Variants in WWOX observed in about 807,000 individuals in gnomAD.
The protein encoded by WWOX is WW domain containing oxidoreductase, also known as WW domain-containing oxidoreductase.
In WWOX, 69 loss-of-function variants were observed where a neutral mutation model predicts 46.2. That is an observed-to-expected ratio of 1.49 (90% CI 1.23 to 1.82). The LOEUF (loss-of-function observed/expected upper bound fraction) is 1.82, where lower values mean the gene tolerates loss of function less well. Ranked by LOEUF, WWOX falls within the 40% of genes most tolerant of loss-of-function variation. The pLI, the probability that WWOX is intolerant of heterozygous loss-of-function variation, is 0.00. For missense variants in WWOX, 919 were observed against 542.6 expected (o/e 1.69, Z -6.89); for synonymous variants, 359 against 202.6 (o/e 1.77, Z -6.56).
intron 8 of WWOX, among the ~76,000 whole-genome samples, chr16:78,982,146 A>G (rs1365116379): frequency 6.6e-6 from 1 of 152,162 alleles, no homozygotes; most frequent in Non-Finnish European, 1.5e-5. Flanking sequence ...GCTCAGAGGA[A>G]AAGAAGAAAA....
intron 8 of WWOX, among the ~76,000 whole-genome samples, chr16:79,143,810 A>C (rs2050134794): frequency 6.6e-6 from 1 of 152,246 alleles, no homozygotes; most frequent in African/African-American, 2.4e-5. Context: ...AGCTGGTAGG[A>C]GTTTTAGCCA....
chr16:78,271,260 A>C (rs540749288), intron 5 of WWOX, among the ~76,000 whole-genome samples: 1 of 152,260 alleles, frequency 6.6e-6, no homozygotes, highest in African/African-American at 2.4e-5. Context: ...AATCTGTTGT[A>C]GTCCTGGAAA....
intron 8 of WWOX, among the ~76,000 whole-genome samples, chr16:78,714,653 C>A (rs555442334): frequency 1.3e-5 from 2 of 152,060 alleles, no homozygotes; most frequent in South Asian, 2.1e-4. Context: ...GCGGAGGAAA[C>A]GGTAAATGAG....
At chr16:79,112,957 G>T (rs1014277098) in intron 8 of WWOX, among the ~76,000 whole-genome samples, 1 of 152,186 alleles carries the variant, frequency 6.6e-6, no homozygotes, top group Non-Finnish European at 1.5e-5. Context: ...GGCATAGATG[G>T]CTGTGCTTTG....
At position 78,386,898 on chromosome 16, in the gene WWOX, T is replaced by C. The variant is rs748722105; in HGVS notation, c.555T>C (p.Ala185=). ...TAGAAGCAATGACCCTGGACCTCGC[T>C]CTGCTCCGTAGCGTGCAGCATTTTG... The part of the protein sequence containing the change: ...AKVEAMTLDL[A]LLRSVQHFAE... The change falls in exon 6 of 9, where the codon GCT becomes GCC. Residue 185 remains alanine (A), a synonymous_variant. Transcript: ENST00000566780. 8.1e-6 allele frequency: 13 copies of C among 1,614,022 alleles called. No homozygotes were observed. The highest frequency in any genetic ancestry group is 1.0e-5 in the Non-Finnish European group (12 of 1,180,012).
At chr16:78,875,740 A>G (rs140803242) in intron 8 of WWOX, among the ~76,000 whole-genome samples, 1 of 152,250 alleles carries the variant, frequency 6.6e-6, no homozygotes, top group Non-Finnish European at 1.5e-5. Flanking sequence ...AACTGTGTCT[A>G]CCCTTTCAAC....
intron 8 of WWOX, among the ~76,000 whole-genome samples, chr16:78,753,101 C>A (rs917348892): frequency 6.6e-6 from 1 of 152,152 alleles, no homozygotes; most frequent in African/African-American, 2.4e-5. Flanking sequence ...TGGAGACCAT[C>A]CTGGCTAACA....
chr16:78,148,432 G>C (rs542017940), intron 4 of WWOX, among the ~76,000 whole-genome samples: 3 of 152,168 alleles, frequency 2.0e-5, no homozygotes, highest in Non-Finnish European at 4.4e-5. Context: ...CTTGTATTAA[G>C]AAGAAAGGGA....
intron 8 of WWOX, among the ~76,000 whole-genome samples, chr16:78,608,358 G>C (rs2045814580): frequency 6.6e-6 from 1 of 152,212 alleles, no homozygotes; most frequent in Non-Finnish European, 1.5e-5. Context: ...TACCATTTAT[G>C]AAACCAGATT....
intron 8 of WWOX, among the ~76,000 whole-genome samples, chr16:79,130,241 C>T (rs1231868192): frequency 1.3e-5 from 2 of 152,174 alleles, no homozygotes; most frequent in African/African-American, 2.4e-5. Context: ...CCACATACAA[C>T]AGAGGGGACA....
intron 8 of WWOX, among the ~76,000 whole-genome samples, chr16:78,704,279 C>T (rs2048287088): frequency 6.6e-6 from 1 of 152,122 alleles, no homozygotes; most frequent in Non-Finnish European, 1.5e-5. Context: ...TAGCGGGTAT[C>T]TCCAAAATTT....
intron 8 of WWOX, among the ~76,000 whole-genome samples, chr16:78,883,945 T>G (rs2044397406): frequency 6.6e-6 from 1 of 152,054 alleles, no homozygotes; most frequent in Non-Finnish European, 1.5e-5. Context: ...GAAGACTTGA[T>G]TTACATAGGA....
intron 8 of WWOX, among the ~76,000 whole-genome samples, chr16:78,635,098 C>G (rs992230536): frequency 6.6e-6 from 1 of 152,104 alleles, no homozygotes; most frequent in African/African-American, 2.4e-5. Context: ...AATGTGATTA[C>G]GCCAGGAAGT....
intron 8 of WWOX, among the ~76,000 whole-genome samples, chr16:78,827,234 G>T (rs1047219398): frequency 6.6e-6 from 1 of 152,198 alleles, no homozygotes; most frequent in Non-Finnish European, 1.5e-5. Flanking sequence ...CTAAGACAGT[G>T]AGAGCAGATG....
intron 8 of WWOX, among the ~76,000 whole-genome samples, chr16:78,666,766 C>T (rs539141946): frequency 1.3e-5 from 2 of 152,222 alleles, no homozygotes; most frequent in East Asian, 3.9e-4. Context: ...TGTGTTCTTT[C>T]CTGGAGAGAT....
intron 8 of WWOX, among the ~76,000 whole-genome samples, chr16:78,781,013 C>G (rs1597598771): frequency 1.3e-5 from 2 of 152,300 alleles, no homozygotes; most frequent in South Asian, 2.1e-4. Context: ...GCCGTGACTC[C>G]TCTGCCACCT....
chr16:79,062,844 G>A (rs972592417), intron 8 of WWOX, among the ~76,000 whole-genome samples: 4 of 152,020 alleles, frequency 2.6e-5, no homozygotes, highest in Admixed American at 6.6e-5. Flanking sequence ...TATAAATGTC[G>A]AATCGGCATT....
rs564463399 is a variant in WWOX at position 78,422,964 on chromosome 16, C to T, written c.606-1906C>T. Among the ~76,000 whole-genome samples, 193 of 151,036 alleles carry T rather than the reference C, an allele frequency of 1.3e-3. 3 individuals carry two copies. The highest frequency in any genetic ancestry group is 2.2e-3 in the Admixed American group (33 of 15,120). ...GCAGTGACATGATCTCTGCTCACTA[C>T]AACCTCTGCCTCCTGGGTTCAAGTG... On this transcript the variant is annotated intron_variant, in intron 6 of 8. Coordinates refer to ENST00000566780, the MANE Select transcript of WWOX (RefSeq NM_016373.4).
chr16:78,281,578 G>T (rs977004599), intron 5 of WWOX, among the ~76,000 whole-genome samples: 3 of 152,114 alleles, frequency 2.0e-5, no homozygotes, highest in African/African-American at 7.2e-5. Context: ...AGTGTTTGTT[G>T]CCAACTACTC....
Sources: allele counts gnomAD v4.1 joint callset (sites outside exome capture counted in the v4.1 genomes callset), GRCh38; gene constraint gnomAD v4.1.1; transcripts MANE v1.5; gene names NCBI Gene and HGNC (gene_info 2026-07-23, HGNC 2026-07-21).